The following PLCB1 variants were observed in gnomAD, a reference collection of about 807,000 sequenced individuals.
PLCB1 encodes phospholipase C beta 1.
PLCB1 carries 46 observed loss-of-function variants against 161.8 expected under a neutral mutation model. The ratio of observed to expected loss-of-function variants is 0.28; its 90% CI spans 0.22 to 0.36. The LOEUF (loss-of-function observed/expected upper bound fraction) is 0.36, where lower values mean the gene tolerates loss of function less well. PLCB1 is among the 10% of genes least tolerant of loss of function. The probability of loss-of-function intolerance (pLI) is 1.00; values close to 1 mark genes in which losing one functional copy is unlikely to be tolerated. For missense variants in PLCB1, 1,016 were observed against 1,472.5 expected (o/e 0.69, Z 5.07); for synonymous variants, 517 against 503.7 (o/e 1.03, Z -0.35).
intron 2 of PLCB1, among the ~76,000 whole-genome samples, chr20:8,245,516 G>C (rs113193289): frequency 0.023 from 3,553 of 151,942 alleles, 151 homozygotes; most frequent in African/African-American, 0.081. Flanking sequence ...ATTTACTTAA[G>C]CAGTTCTTTG....
intron 21 of PLCB1, 27 bp from the exon 22 acceptor site, chr20:8,740,317 C>A: frequency 8.3e-7 from 1 of 1,207,646 alleles, no homozygotes; most frequent in Non-Finnish European, 1.2e-6. Context: ...GAAATATGTG[C>A]TACACAGCAT....
At chr20:8,227,519 AG>A (rs1979760867) in intron 2 of PLCB1, among the ~76,000 whole-genome samples, 1 of 152,182 alleles carries the variant, frequency 6.6e-6, no homozygotes, top group Admixed American at 6.5e-5. Flanking sequence ...AACTGATTAC[AG>A]GCAGCTGCTC....
chr20:8,177,614 G>GTAT (rs551355156), intron 2 of PLCB1, among the ~76,000 whole-genome samples: 4,476 of 151,418 alleles, frequency 0.03, 200 homozygotes, highest in African/African-American at 0.1. Flanking sequence ...CAGGGCCCAA[G>GTAT]TATTATTATT....
At position 8,629,875 on chromosome 20, in the gene PLCB1, TTCTC is replaced by T. The variant is rs35542041; in HGVS notation, c.384+1452_384+1455del. ...TTTCTTTCTTTCTTTCTTTCTTTCT[TTCTC>T]TCTCTCTTTCTTTTCTTTCTTTCTT... On this transcript the variant is annotated intron_variant, in intron 4 of 31. Coordinates refer to ENST00000338037, the MANE Select transcript of PLCB1 (RefSeq NM_015192.4). Among the ~76,000 whole-genome samples, 402 of 83,462 alleles carry T rather than the reference TTCTC, an allele frequency of 4.8e-3. 9 individuals are homozygous for T. The highest frequency in any genetic ancestry group is 0.016 in the African/African-American group (374 of 22,910). The allele number at this position is 83,462 out of a possible 152,430, so 54.8% of individuals were successfully genotyped here.
chr20:8,615,550 T>C (rs913971150), intron 3 of PLCB1, among the ~76,000 whole-genome samples: 1 of 152,194 alleles, frequency 6.6e-6, no homozygotes, highest in African/African-American at 2.4e-5. Flanking sequence ...CCAAAATGTG[T>C]CACCTCTCTT....
chr20:8,841,646 T>A (rs952336069), intron 31 of PLCB1, among the ~76,000 whole-genome samples: 1 of 152,048 alleles, frequency 6.6e-6, no homozygotes, highest in Non-Finnish European at 1.5e-5. Flanking sequence ...CTGACTTATA[T>A]CTCCACTCTT....
chr20:8,389,453 A>G (rs775008498), intron 3 of PLCB1, among the ~76,000 whole-genome samples: 26 of 152,204 alleles, frequency 1.7e-4, no homozygotes, highest in Non-Finnish European at 2.6e-4. Context: ...GCAGCCAAGA[A>G]CATTCTCACG....
chr20:8,267,712 G>C (rs962585344), intron 2 of PLCB1, among the ~76,000 whole-genome samples: 10 of 152,256 alleles, frequency 6.6e-5, no homozygotes, highest in Non-Finnish European at 2.9e-5. Flanking sequence ...GAGCGGGCTT[G>C]AGCAAGTGGC....
At position 8,585,385 on chromosome 20, in the gene PLCB1, A is replaced by T. The variant is rs61268769; in HGVS notation, c.247-42909A>T. On this transcript the variant is annotated intron_variant, in intron 3 of 31. Transcript: ENST00000338037. ...TGACCCTTAATTGTGCACAGCTCAG[A>T]AGAGGTCACAGTTTGGCTCAGACTT... Among the ~76,000 whole-genome samples, 1,148 of 152,314 alleles carry T rather than the reference A, an allele frequency of 7.5e-3. 16 individuals carry two copies. Among genetic ancestry groups the T allele is most frequent in the African/African-American group, 0.026 (1,083 of 41,564 alleles).
At chr20:8,531,700 A>G (rs1984823361) in intron 3 of PLCB1, among the ~76,000 whole-genome samples, 2 of 152,150 alleles carry the variant, frequency 1.3e-5, no homozygotes, top group Non-Finnish European at 2.9e-5. Context: ...GGAGGTAGAA[A>G]GGAAAGGGTG....
At chr20:8,539,649 T>TTTCTTTCTTTCTTTCC in intron 3 of PLCB1, among the ~76,000 whole-genome samples, 1 of 89,792 alleles carries the variant, frequency 1.1e-5, no homozygotes, top group African/African-American at 4.6e-5. Flanking sequence ...TCTTTCTTTC[T>TTTCTTTCTTTCTTTCC]TTCTTTCTTT....
At chr20:8,270,524 T>A (rs1028910735) in intron 2 of PLCB1, among the ~76,000 whole-genome samples, 16 of 152,162 alleles carry the variant, frequency 1.1e-4, no homozygotes, top group African/African-American at 3.9e-4. Context: ...ACAGAGATTT[T>A]CATATATGTT....
chr20:8,132,783 G>A lies in PLCB1; in HGVS notation c.99+33G>A, dbSNP rs1259047713. 6.6e-7 allele frequency: 1 copy of A among 1,512,184 alleles called. No individual in the cohort carries two copies. The highest frequency in any genetic ancestry group is 1.4e-5 in the African/African-American group (1 of 72,842). The allele number at this position is 1,512,184 out of a possible 1,614,324, so 93.7% of individuals were successfully genotyped here. A position where few individuals can be genotyped will look rare whatever the true frequency, so the allele number is the denominator to read the frequency against. ...TTGGGGCGGCCCGAGTCGGGGCGCT[G>A]GCTCGGGCACCGGGCAGGGCGGGCG... is the stretch of plus-strand genomic sequence containing the variant. On this transcript the variant is annotated intron_variant, in intron 1 of 31. Coordinates refer to ENST00000338037, the MANE Select transcript of PLCB1 (RefSeq NM_015192.4). This position sits in a 1 kb window ranked among gnomAD's most constrained non-coding sequence, Gnocchi z 5.2.
At chr20:8,756,403 C>A (rs1441565703) in intron 23 of PLCB1, among the ~76,000 whole-genome samples, 1 of 152,184 alleles carries the variant, frequency 6.6e-6, no homozygotes, top group African/African-American at 2.4e-5. Flanking sequence ...AATGTGTGTT[C>A]TTATCCATCA....
intron 2 of PLCB1, among the ~76,000 whole-genome samples, chr20:8,183,797 A>G (rs1379822151): frequency 6.6e-6 from 1 of 152,128 alleles, no homozygotes; most frequent in East Asian, 1.9e-4. Context: ...TATAGAAAAA[A>G]CTTCACTAAT....
At chr20:8,546,958 T>G (rs532475293) in intron 3 of PLCB1, among the ~76,000 whole-genome samples, 73 of 152,346 alleles carry the variant, frequency 4.8e-4, no homozygotes, top group Admixed American at 9.1e-4. Context: ...TTTTGCTACA[T>G]GTATCTGAAG....
chr20:8,145,333 C>T (rs141468366), intron 1 of PLCB1, among the ~76,000 whole-genome samples: 1 of 152,120 alleles, frequency 6.6e-6, no homozygotes, highest in African/African-American at 2.4e-5. Flanking sequence ...CACTCTAAGG[C>T]CTCCTTTTAA....
At position 8,497,217 on chromosome 20, in the gene PLCB1, A is replaced by G. The variant is rs951551898; in HGVS notation, c.246+125767A>G. 9.4e-4 allele frequency among the ~76,000 whole-genome samples: 143 copies of G among 152,202 alleles called. 1 individual carries two copies. The highest frequency in any genetic ancestry group is 2.0e-3 in the African/African-American group (82 of 41,458). On this transcript the variant is annotated intron_variant, in intron 3 of 31. Coordinates refer to ENST00000338037, the MANE Select transcript of PLCB1 (RefSeq NM_015192.4). ...AAACAAACATTGAAATTTGGAAGTG[A>G]AAAATCTACCTCTTATCTTGGGTAT... is the stretch of plus-strand genomic sequence containing the variant.
intron 2 of PLCB1, among the ~76,000 whole-genome samples, chr20:8,259,792 T>A (rs555618543): frequency 1.3e-5 from 2 of 152,294 alleles, no homozygotes; most frequent in South Asian, 4.1e-4. Flanking sequence ...TTGCATTTCA[T>A]CAATCTTAAG....
Sources: allele counts gnomAD v4.1 joint callset (sites outside exome capture counted in the v4.1 genomes callset), GRCh38; gene constraint gnomAD v4.1.1; non-coding constraint Gnocchi (gnomAD v3.1); transcripts MANE v1.5; gene names NCBI Gene and HGNC (gene_info 2026-07-23, HGNC 2026-07-21).